Variants in COPG2 observed in about 807,000 individuals in gnomAD.
COPG2 encodes the protein coat protein complex I subunit gamma 2, also known as coatomer subunit gamma-2.
Under a neutral mutation model 46.3 loss-of-function variants are expected in COPG2, and 37 were observed. That is an observed-to-expected ratio of 0.80 (90% CI 0.61 to 1.05). The LOEUF is 1.05. COPG2 is among the 50% of genes least tolerant of loss of function. The probability of loss-of-function intolerance (pLI) is 0.00; values close to 1 mark genes in which losing one functional copy is unlikely to be tolerated. For synonymous variants in COPG2, 159 were observed against 129.7 expected (o/e 1.23, Z -1.53); for missense variants, 427 against 387.8 (o/e 1.10, Z -0.85).
At chr7:130,646,547 C>A (rs975812488) in intron 5 of COPG2, among the ~76,000 whole-genome samples, 6 of 152,054 alleles carry the variant, frequency 3.9e-5, no homozygotes, top group African/African-American at 1.4e-4. Context: ...ATGTTATTAA[C>A]AAGTTAGTCA....
intron 9 of COPG2, among the ~76,000 whole-genome samples, chr7:130,606,645 C>T (rs1554451304): frequency 6.6e-6 from 1 of 152,180 alleles, no homozygotes; most frequent in East Asian, 1.9e-4. Context: ...TTTTATCTTG[C>T]TGTTTACAGT....
intron 20 of COPG2, among the ~76,000 whole-genome samples, chr7:130,520,879 A>T (rs1799718207): frequency 6.6e-6 from 1 of 152,232 alleles, no homozygotes; most frequent in Non-Finnish European, 1.5e-5. Flanking sequence ...TTATTATAGT[A>T]GGAGACCATT....
At chr7:130,609,991 T>C in intron 9 of COPG2, 1 of 486,380 alleles carries the variant, frequency 2.1e-6, no homozygotes, top group Non-Finnish European at 4.0e-6. Flanking sequence ...GAGAAGTTGT[T>C]TAAAAGTCAC....
Position 130,561,234 on chromosome 7 carries a change from C to A in COPG2, c.940-13G>T, listed in dbSNP as rs1793714039. ...GCTTCATTGCCACCTTGTGGAAGGG[C>A]AAGAAAAAAAATTAAGCAAATTGCT... On this transcript the variant is annotated splice_polypyrimidine_tract_variant and intron_variant, in intron 11 of 23. Coordinates refer to ENST00000425248, the MANE Select transcript of COPG2 (RefSeq NM_012133.6). 2.5e-6 allele frequency: 1 copy of A among 397,674 alleles called. No homozygotes were observed. The allele number at this position is 397,674 out of a possible 1,614,324, so 24.6% of individuals were successfully genotyped here. A position where few individuals can be genotyped will look rare whatever the true frequency, so the allele number is the denominator to read the frequency against.
At chr7:130,636,770 G>A (rs561742561) in intron 5 of COPG2, among the ~76,000 whole-genome samples, 4 of 152,184 alleles carry the variant, frequency 2.6e-5, no homozygotes, top group African/African-American at 9.6e-5. Context: ...TCATTATGAT[G>A]CTAGCTGGCT....
intron 5 of COPG2, among the ~76,000 whole-genome samples, chr7:130,652,600 C>T (rs1012485820): frequency 2.6e-5 from 4 of 152,030 alleles, no homozygotes; most frequent in South Asian, 2.1e-4. Flanking sequence ...TTTCAGTGCA[C>T]GTTATCTTTT....
At chr7:130,618,351 T>C (rs913566451) in intron 5 of COPG2, among the ~76,000 whole-genome samples, 2 of 152,124 alleles carry the variant, frequency 1.3e-5, no homozygotes, top group African/African-American at 4.8e-5. Context: ...GTTGAACTCA[T>C]AGGTTTTCAT....
chr7:130,560,667 G>A (rs1793704587), intron 12 of COPG2, among the ~76,000 whole-genome samples: 1 of 152,130 alleles, frequency 6.6e-6, no homozygotes, highest in Non-Finnish European at 1.5e-5. Flanking sequence ...AAAATATATG[G>A]GTATTTGCTT....
chr7:130,558,147 G>C (rs1793661657), intron 12 of COPG2, among the ~76,000 whole-genome samples: 1 of 151,874 alleles, frequency 6.6e-6, no homozygotes, highest in Admixed American at 6.6e-5. Context: ...TTTTTTTTTA[G>C]ATAAGGTAAT....
intron 9 of COPG2, among the ~76,000 whole-genome samples, chr7:130,572,622 T>C (rs1223870363): frequency 6.6e-6 from 1 of 151,892 alleles, no homozygotes; most frequent in Non-Finnish European, 1.5e-5. Context: ...AACTCAGGGA[T>C]CAAGAAGAAA....
intron 15 of COPG2, 126 bp from the exon 16 acceptor site, chr7:130,551,470 TAGCCAACAGTGG>T (rs1793533960): frequency 2.6e-6 from 1 of 391,018 alleles, no homozygotes; most frequent in Non-Finnish European, 4.5e-6. Context: ...TGCTCAACAA[TAGCCAACAGTGG>T]CTCCTAAAGT....
intron 5 of COPG2, among the ~76,000 whole-genome samples, chr7:130,648,503 G>T (rs1269483737): frequency 6.6e-6 from 1 of 152,212 alleles, no homozygotes; most frequent in African/African-American, 2.4e-5. Flanking sequence ...TGGTGTGGGT[G>T]AGACTCTTGG....
At chr7:130,531,753 GA>G (rs1382664414) in intron 20 of COPG2, among the ~76,000 whole-genome samples, 2 of 147,026 alleles carry the variant, frequency 1.4e-5, no homozygotes, top group Non-Finnish European at 3.0e-5. Flanking sequence ...CTCCAGGCCT[GA>G]AACTGGAGAG....
At chr7:130,534,700 T>C (rs1217384744) in intron 20 of COPG2, among the ~76,000 whole-genome samples, 1 of 152,114 alleles carries the variant, frequency 6.6e-6, no homozygotes, top group African/African-American at 2.4e-5. Context: ...GGCCAGAACC[T>C]GTGTAAGAAG....
At chr7:130,612,326 G>C (rs1028968787) in intron 7 of COPG2, 88 bp from the exon 8 acceptor site, 246 of 816,676 alleles carry the variant, frequency 3.0e-4, no homozygotes, top group Middle Eastern at 2.3e-4. Context: ...GAAAATCACA[G>C]ACATTTCCCA....
intron 5 of COPG2, chr7:130,645,184 T>C: frequency 1.6e-6 from 1 of 637,818 alleles, no homozygotes; most frequent in Non-Finnish European, 3.0e-6. Flanking sequence ...CTTCCACGTA[T>C]TCAGAGAGTA....
At chr7:130,618,511 G>A (rs1047032010) in intron 5 of COPG2, among the ~76,000 whole-genome samples, 1 of 152,016 alleles carries the variant, frequency 6.6e-6, no homozygotes, top group Non-Finnish European at 1.5e-5. Context: ...TGATTGCATT[G>A]TAATGACAGA....
intron 9 of COPG2, among the ~76,000 whole-genome samples, chr7:130,580,587 A>T (rs1270611814): frequency 6.5e-5 from 8 of 122,144 alleles, no homozygotes; most frequent in African/African-American, 1.4e-4. Flanking sequence ...AACAAAATTG[A>T]TAGACCGCTA....
intron 5 of COPG2, among the ~76,000 whole-genome samples, chr7:130,634,416 C>T (rs979438425): frequency 2.6e-5 from 4 of 152,082 alleles, no homozygotes; most frequent in Non-Finnish European, 4.4e-5. Context: ...GTTTGTAGTT[C>T]TCCTTGAAGA....
Sources: allele counts gnomAD v4.1 joint callset (sites outside exome capture counted in the v4.1 genomes callset), GRCh38; gene constraint gnomAD v4.1.1; transcripts MANE v1.5; gene names NCBI Gene and HGNC (gene_info 2026-07-23, HGNC 2026-07-21).